SLC12A6: variants seen among roughly 807,000 people sequenced by gnomAD.
The protein encoded by SLC12A6 is solute carrier family 12 member 6.
SLC12A6 carries 66 observed loss-of-function variants against 135.3 expected under a neutral mutation model. The ratio of observed to expected loss-of-function variants is 0.49; its 90% CI spans 0.40 to 0.60. The LOEUF is 0.60. SLC12A6 is among the 20% of genes least tolerant of loss of function. SLC12A6 has a pLI of 0.00. For synonymous variants in SLC12A6, 513 were observed against 508.8 expected (o/e 1.01, Z -0.11); for missense variants, 1,058 against 1,452.3 (o/e 0.73, Z 4.41).
At chr15:34,308,658 C>CAAA (rs1887929875) in intron 2 of SLC12A6, among the ~76,000 whole-genome samples, 2 of 139,780 alleles carry the variant, frequency 1.4e-5, no homozygotes, top group Non-Finnish European at 3.0e-5. Context: ...AAAAACAAAC[C>CAAA]AGATTGTTGG....
intron 2 of SLC12A6, among the ~76,000 whole-genome samples, chr15:34,302,784 T>C (rs1411417372): frequency 6.6e-6 from 1 of 151,512 alleles, no homozygotes; most frequent in Non-Finnish European, 1.5e-5. Flanking sequence ...GATTTGTCTC[T>C]ACAAAAAAAT....
intron 2 of SLC12A6, among the ~76,000 whole-genome samples, chr15:34,305,307 G>C (rs1024911317): frequency 1.3e-5 from 2 of 150,974 alleles, no homozygotes; most frequent in African/African-American, 2.4e-5. Context: ...TTCTCCATTT[G>C]TTCCTTTTTC....
intron 2 of SLC12A6, among the ~76,000 whole-genome samples, chr15:34,305,240 A>G (rs1175708656): frequency 6.6e-6 from 1 of 152,170 alleles, no homozygotes; most frequent in Non-Finnish European, 1.5e-5. Context: ...CCAGAACTTC[A>G]TTCTGCACAC....
Position 34,336,607 on chromosome 15 carries a change from A to G in SLC12A6, c.74T>C (p.Ile25Thr), listed in dbSNP as rs372512711. ...FMVTPTKIDDIPGLSDTSPDL... is the reference protein window; with the variant it reads ...FMVTPTKIDDTPGLSDTSPDL... ...CGGACTGGTGTCTGACAAACCTGGAATGTCATCGATCTTTGTCGGTGTCAC... is the reference window on the plus strand; with the variant it reads ...CGGACTGGTGTCTGACAAACCTGGAGTGTCATCGATCTTTGTCGGTGTCAC... Residue 25 changes from isoleucine (I) to threonine (T), a missense_variant, in exon 2 of 26, where the codon ATT (isoleucine) becomes ACT (threonine). This residue lies in a region of SLC12A6 where 176 missense variants were observed against 168.9 expected (regional missense o/e 1.04). Transcript: ENST00000354181. The G allele has an allele frequency of 2.5e-6, 4 of 1,613,344 alleles. No individual in the cohort carries two copies. The highest frequency in any genetic ancestry group is 3.4e-6 in the Non-Finnish European group (4 of 1,179,338).
At chr15:34,303,394 A>C (rs1896390309) in intron 2 of SLC12A6, among the ~76,000 whole-genome samples, 1 of 152,202 alleles carries the variant, frequency 6.6e-6, no homozygotes, top group Admixed American at 6.5e-5. Context: ...TAAATGTGTC[A>C]TGATCTTCAA....
intron 10 of SLC12A6, among the ~76,000 whole-genome samples, chr15:34,251,735 T>C (rs774928267): frequency 6.6e-6 from 1 of 152,218 alleles, no homozygotes; most frequent in African/African-American, 2.4e-5. Context: ...CTTACTTATG[T>C]GCAAAGAAAT....
rs1890831972 is a variant in SLC12A6 at position 34,230,218 on chromosome 15, A to C, written c.*3663T>G. 5.9e-6 allele frequency: 1 copy of C among 169,204 alleles called. No individual in the cohort carries two copies. The highest frequency in any genetic ancestry group is 2.4e-5 in the African/African-American group (1 of 41,944). The allele number at this position is 169,204 out of a possible 1,614,324, so 10.5% of individuals were successfully genotyped here. A position where few individuals can be genotyped will look rare whatever the true frequency, so the allele number is the denominator to read the frequency against. On this transcript the variant is annotated 3_prime_UTR_variant, in exon 26 of 26. Transcript: ENST00000354181. ...TCTATTTAATACAAGCTGGGACATAAAAATTCTGTTGGGGATACCTGGGGG... is the reference window on the plus strand; with the variant it reads ...TCTATTTAATACAAGCTGGGACATACAAATTCTGTTGGGGATACCTGGGGG...
At chr15:34,239,268 T>TA (rs1248154522) in intron 19 of SLC12A6, 108 bp from the exon 20 acceptor site, 1 of 835,706 alleles carries the variant, frequency 1.2e-6, no homozygotes, top group Non-Finnish European at 2.0e-6. Context: ...GTCTTCATAA[T>TA]ACTATATCAT....
At chr15:34,240,519 A>C (rs111617676) in intron 19 of SLC12A6, 142 bp downstream of exon 19, 12,863 of 694,534 alleles carry the variant, frequency 0.019, 162 homozygotes, top group Middle Eastern at 0.036. Context: ...TTTGGGAAAA[A>C]GTGTCCTTTC....
In SLC12A6 at chr15:34,313,908, C is replaced by T. The variant is rs1436662778; in HGVS notation, c.271+22502G>A. Among the ~76,000 whole-genome samples the T allele has an allele frequency of 2.7e-5, 4 of 149,010 alleles. No individual in the cohort carries two copies. In the Admixed American group the frequency reaches 2.7e-4, roughly 10 times the overall value. On this transcript the variant is annotated intron_variant, in intron 2 of 25. Transcript: ENST00000354181. ...ATCACTTGAGCACAAGAGTTCAAGG[C>T]TGGCTGGGCAACATAGTGAGACTCC... is the stretch of plus-strand genomic sequence containing the variant.
chr15:34,300,751 G>A (rs1033048097), intron 2 of SLC12A6, among the ~76,000 whole-genome samples: 17 of 143,378 alleles, frequency 1.2e-4, no homozygotes, highest in African/African-American at 2.1e-4. Flanking sequence ...GAGCTGAGAC[G>A]CACCACTGCA....
intron 2 of SLC12A6, among the ~76,000 whole-genome samples, chr15:34,333,434 T>C (rs942227793): frequency 1.3e-5 from 2 of 151,896 alleles, no homozygotes; most frequent in Non-Finnish European, 2.9e-5. Context: ...TTTCACCGTG[T>C]TCCCCAGGCT....
In SLC12A6 at chr15:34,302,466, C is replaced by A. The variant is rs142546107; in HGVS notation, c.272-27077G>T. Reference sequence around the variant, plus strand: ...ATCCTGACACTTTGGGAGGCCGAGGCGGGTGGATCACTTGAGGTCAGGAGT... The same window carrying A: ...ATCCTGACACTTTGGGAGGCCGAGGAGGGTGGATCACTTGAGGTCAGGAGT... On this transcript the variant is annotated intron_variant, in intron 2 of 25. Coordinates refer to ENST00000354181, the MANE Select transcript of SLC12A6 (RefSeq NM_001365088.1). 1.4e-3 allele frequency among the ~76,000 whole-genome samples: 209 copies of A among 151,944 alleles called. 2 individuals are homozygous for A. The East Asian group carries it at 0.035, about 25-fold the overall frequency.
chr15:34,336,436 G>C lies in SLC12A6; in HGVS notation c.245C>G (p.Thr82Ser). Residue 82 changes from threonine to serine, a missense_variant, in exon 2 of 26, where the codon ACT becomes AGT. Physicochemically the swap from Thr to Ser is moderately conservative, Grantham distance 58. Coordinates refer to ENST00000354181, the MANE Select transcript of SLC12A6 (RefSeq NM_001365088.1). ...TVALDPPSDR[T>S]SHPQDVIEDL... ...CTCGATGACATCCTGGGGGTGAGAA[G>C]TCCGGTCACTGGGTGGATCCAGTGC... is the stretch of plus-strand genomic sequence containing the variant. 6.2e-7 allele frequency: 1 copy of C among 1,614,062 alleles called. No individual in the cohort carries two copies.
chr15:34,231,381 T>TA lies in SLC12A6; in HGVS notation c.*2499dup, dbSNP rs1236544632. ...ACGTCTCGGAAAAAAAAAAAAAAGATACTGGATCCTGCAGGACATGACTCA... is the reference window on the plus strand; with the variant it reads ...ACGTCTCGGAAAAAAAAAAAAAAGATAACTGGATCCTGCAGGACATGACTCA... On this transcript the variant is annotated 3_prime_UTR_variant, in exon 26 of 26. Coordinates refer to ENST00000354181, the MANE Select transcript of SLC12A6 (RefSeq NM_001365088.1). 6.7e-6 allele frequency: 1 copy of TA among 148,552 alleles called. No homozygotes were observed. The highest frequency in any genetic ancestry group is 2.5e-5 in the African/African-American group (1 of 39,922). The allele number at this position is 148,552 out of a possible 1,614,324, so 9.2% of individuals were successfully genotyped here.
chr15:34,304,501 A>C (rs1896467372), intron 2 of SLC12A6, among the ~76,000 whole-genome samples: 1 of 152,216 alleles, frequency 6.6e-6, no homozygotes, highest in East Asian at 1.9e-4. Flanking sequence ...TTACATTGTC[A>C]CTAGTAGCAG....
chr15:34,281,458 T>C (rs1276823319), intron 2 of SLC12A6, among the ~76,000 whole-genome samples: 2 of 152,152 alleles, frequency 1.3e-5, no homozygotes, highest in African/African-American at 4.8e-5. Flanking sequence ...ATGAACTAGA[T>C]AGACCTAGAA....
At chr15:34,275,990 A>G (rs916329615) in intron 2 of SLC12A6, among the ~76,000 whole-genome samples, 4 of 152,142 alleles carry the variant, frequency 2.6e-5, no homozygotes, top group Non-Finnish European at 5.9e-5. Context: ...TAAAGAGTAC[A>G]GCGTTTCTGT....
chr15:34,279,770 A>G (rs1483020161), intron 2 of SLC12A6, among the ~76,000 whole-genome samples: 2 of 152,256 alleles, frequency 1.3e-5, no homozygotes, highest in Non-Finnish European at 2.9e-5. Context: ...AAATACAATC[A>G]GGTTATAATC....
Sources: allele counts gnomAD v4.1 joint callset (sites outside exome capture counted in the v4.1 genomes callset), GRCh38; gene constraint gnomAD v4.1.1; regional missense constraint gnomAD v4.1.1; transcripts MANE v1.5; gene names NCBI Gene and HGNC (gene_info 2026-07-23, HGNC 2026-07-21).